Variants in MSRA observed in about 807,000 individuals in gnomAD.
MSRA encodes the protein methionine sulfoxide reductase A.
MSRA carries 54 observed loss-of-function variants against 31.3 expected under a neutral mutation model. The observed-to-expected ratio is 1.73, with a 90% CI of 1.39 to 2.17. The LOEUF (loss-of-function observed/expected upper bound fraction) is 2.17. Ranked by LOEUF, MSRA falls within the 30% of genes most tolerant of loss-of-function variation. The pLI is 0.00. For synonymous variants in MSRA, 169 were observed against 116.5 expected (o/e 1.45, Z -2.90); for missense variants, 507 against 300.9 (o/e 1.69, Z -5.07).
chr8:10,173,639 G>A (rs567636379), intron 1 of MSRA, among the ~76,000 whole-genome samples: 10 of 152,206 alleles, frequency 6.6e-5, no homozygotes, highest in East Asian at 1.9e-4. Flanking sequence ...GAATCTTTCC[G>A]CTTGTCTCTT....
intron 3 of MSRA, among the ~76,000 whole-genome samples, chr8:10,299,934 A>G (rs1800752340): frequency 6.6e-6 from 1 of 152,246 alleles, no homozygotes; most frequent in African/African-American, 2.4e-5. Flanking sequence ...ACATTTATGG[A>G]TAAAAATATA....
chr8:10,148,007 C>T (rs181292537), intron 1 of MSRA, among the ~76,000 whole-genome samples: 5 of 152,220 alleles, frequency 3.3e-5, no homozygotes, highest in Non-Finnish European at 7.3e-5. Flanking sequence ...TACCTGTGCA[C>T]TTGGCCACAG....
intron 5 of MSRA, among the ~76,000 whole-genome samples, chr8:10,402,837 C>T (rs1343860196): frequency 1.3e-5 from 2 of 152,182 alleles, no homozygotes; most frequent in Non-Finnish European, 1.5e-5. Context: ...GAGATTTAAG[C>T]ACAAAATTGT....
chr8:10,106,558 G>A (rs983868289), intron 1 of MSRA, among the ~76,000 whole-genome samples: 3 of 152,176 alleles, frequency 2.0e-5, no homozygotes, highest in African/African-American at 7.2e-5. Context: ...GAGAGAGACT[G>A]GCAGACACAC....
chr8:10,074,760 G>A (rs1171917041), intron 1 of MSRA, among the ~76,000 whole-genome samples: 2 of 152,108 alleles, frequency 1.3e-5, no homozygotes, highest in African/African-American at 4.8e-5. Context: ...CTGGGTTCAA[G>A]TGATTCTTCT....
intron 5 of MSRA, among the ~76,000 whole-genome samples, chr8:10,359,520 T>C (rs1804712450): frequency 6.6e-6 from 1 of 152,208 alleles, no homozygotes; most frequent in South Asian, 2.1e-4. Flanking sequence ...GCATTCATTA[T>C]CTGTAGGGAT....
chr8:10,315,499 T>C (rs1218620332), intron 4 of MSRA, among the ~76,000 whole-genome samples: 1 of 152,238 alleles, frequency 6.6e-6, no homozygotes, highest in East Asian at 1.9e-4. Context: ...TAACTGTGCG[T>C]ATCTATTTTA....
chr8:10,319,122 T>A (rs1801895316), intron 4 of MSRA, among the ~76,000 whole-genome samples: 1 of 152,190 alleles, frequency 6.6e-6, no homozygotes, highest in Non-Finnish European at 1.5e-5. Context: ...CCTCTAATTC[T>A]TGCTTATGCC....
intron 5 of MSRA, among the ~76,000 whole-genome samples, chr8:10,340,740 G>C (rs1031917065): frequency 1.3e-5 from 2 of 152,186 alleles, no homozygotes; most frequent in Non-Finnish European, 2.9e-5. Flanking sequence ...AATTCAAAAG[G>C]TATTTACCAA....
chr8:10,426,714 T>A (rs1021383041), intron 5 of MSRA, among the ~76,000 whole-genome samples: 1 of 152,228 alleles, frequency 6.6e-6, no homozygotes, highest in African/African-American at 2.4e-5. Flanking sequence ...TACACACTTT[T>A]AAATATGGGT....
At chr8:10,296,529 G>A (rs1022964532) in intron 3 of MSRA, among the ~76,000 whole-genome samples, 2 of 152,180 alleles carry the variant, frequency 1.3e-5, no homozygotes, top group African/African-American at 4.8e-5. Context: ...TGGAATGATG[G>A]TTTAAGCTAC....
intron 1 of MSRA, 72 bp downstream of exon 1, chr8:10,054,730 C>G: frequency 7.2e-7 from 1 of 1,380,202 alleles, no homozygotes; most frequent in East Asian, 2.9e-5. Context: ...CGGCAGCGCG[C>G]CCGCTGCCCG....
intron 5 of MSRA, among the ~76,000 whole-genome samples, chr8:10,421,323 A>G (rs936119830): frequency 2.0e-5 from 3 of 152,138 alleles, no homozygotes; most frequent in African/African-American, 7.2e-5. Context: ...ATTTTAGTCA[A>G]TGGAAGGTTC....
chr8:10,420,852 A>G (rs1206963544), intron 5 of MSRA, among the ~76,000 whole-genome samples: 3 of 151,510 alleles, frequency 2.0e-5, no homozygotes, highest in Non-Finnish European at 4.4e-5. Context: ...AAAAATGGCT[A>G]AGATAGTACA....
chr8:10,191,196 C>G (rs1183893959), intron 1 of MSRA, among the ~76,000 whole-genome samples: 2 of 152,070 alleles, frequency 1.3e-5, no homozygotes, highest in African/African-American at 4.8e-5. Context: ...AGGGAAAAAA[C>G]ATATTTTACT....
chr8:10,398,022 A>G (rs1807209460), intron 5 of MSRA, among the ~76,000 whole-genome samples: 1 of 152,220 alleles, frequency 6.6e-6, no homozygotes, highest in African/African-American at 2.4e-5. Flanking sequence ...AGTAAAGAAG[A>G]TTGGCTTTAA....
intron 5 of MSRA, among the ~76,000 whole-genome samples, chr8:10,372,702 C>T (rs550352825): frequency 6.6e-6 from 1 of 152,188 alleles, no homozygotes; most frequent in African/African-American, 2.4e-5. Context: ...CTGGAGGTGC[C>T]CCCAGGAATT....
At chr8:10,161,941 C>T (rs1464305958) in intron 1 of MSRA, among the ~76,000 whole-genome samples, 3 of 152,158 alleles carry the variant, frequency 2.0e-5, no homozygotes, top group African/African-American at 7.2e-5. Flanking sequence ...ACAGGGTGGT[C>T]CGGAGGTCTG....
intron 5 of MSRA, among the ~76,000 whole-genome samples, chr8:10,426,942 G>A (rs760261324): frequency 2.0e-5 from 3 of 152,182 alleles, no homozygotes; most frequent in East Asian, 3.8e-4. Context: ...CCGTCTTGGC[G>A]GGGACCCTGC....
Sources: gnomAD v4.1 joint callset for allele counts (sites outside exome capture counted in the v4.1 genomes callset) on GRCh38, gnomAD v4.1.1 for gene constraint, MANE v1.5 for transcripts, NCBI Gene and HGNC (gene_info 2026-07-23, HGNC 2026-07-21) for gene names.